Variants in B3GALT1 observed in about 807,000 individuals in gnomAD.
B3GALT1 encodes UDP-Gal:betaGlcNAc beta 1,3-galactosyltransferase, polypeptide 1.
Under a neutral mutation model 23.2 loss-of-function variants are expected in B3GALT1, and 10 were observed. The ratio of observed to expected loss-of-function variants is 0.43; its 90% CI spans 0.27 to 0.73. The LOEUF (loss-of-function observed/expected upper bound fraction) is 0.73, where lower values mean the gene tolerates loss of function less well. Ranked by LOEUF, B3GALT1 falls within the 30% of genes least tolerant of loss-of-function variation. The pLI is 0.21. For synonymous variants in B3GALT1, 156 were observed against 141.5 expected, an observed-to-expected ratio of 1.10 and a Z score of -0.73; for missense variants, 299 against 405.4, an observed-to-expected ratio of 0.74 and a Z score of 2.25.
chr2:167,656,543 C>G (rs1685958786), intron 3 of B3GALT1, among the ~76,000 whole-genome samples: 1 of 151,958 alleles, frequency 6.6e-6, no homozygotes, highest in Non-Finnish European at 1.5e-5. Flanking sequence ...AAATTTAAAC[C>G]ACTATGATAT....
Position 167,543,493 on chromosome 2 carries a change from T to C in B3GALT1, c.-410+53216T>C, listed in dbSNP as rs575295403. Among the ~76,000 whole-genome samples the C allele has an allele frequency of 1.4e-3, 206 of 152,210 alleles. No individual in the cohort carries two copies. In the South Asian group the frequency reaches 0.016, roughly 12 times the overall value. On this transcript the variant is annotated intron_variant, in intron 2 of 4. Transcript: ENST00000392690. ...TGGTAAATGTCAATATAAAAAGATG[T>C]CTGAAAAATATAAGAAAAATTATGA...
At chr2:167,642,934 AT>A (rs903394488) in intron 2 of B3GALT1, among the ~76,000 whole-genome samples, 7 of 152,168 alleles carry the variant, frequency 4.6e-5, no homozygotes, top group African/African-American at 1.7e-4. Context: ...AAAAATGTAT[AT>A]TTTTATACTT....
intron 2 of B3GALT1, among the ~76,000 whole-genome samples, chr2:167,548,099 A>G (rs1393716696): frequency 6.6e-6 from 1 of 152,196 alleles, no homozygotes; most frequent in Non-Finnish European, 1.5e-5. Flanking sequence ...TCATGATAGA[A>G]TTATAGAAGT....
At position 167,366,366 on chromosome 2, in the gene B3GALT1, A is replaced by G. The variant is rs186831155; in HGVS notation, c.-511+73032A>G. On this transcript the variant is annotated intron_variant, in intron 1 of 4. Coordinates refer to ENST00000392690, the MANE Select transcript of B3GALT1 (RefSeq NM_020981.4). Reference sequence around the variant, plus strand: ...GCTAACAGTGAATAGGCTCAGATATATAGAATAGTTTTGAAAGCACAGTAA... The same window carrying G: ...GCTAACAGTGAATAGGCTCAGATATGTAGAATAGTTTTGAAAGCACAGTAA... Among the ~76,000 whole-genome samples, 20 of 152,328 alleles carry G rather than the reference A, an allele frequency of 1.3e-4. No homozygotes were observed. In the East Asian group the frequency reaches 3.7e-3, roughly 28 times the overall value.
chr2:167,482,692 T>C (rs1410808471), intron 1 of B3GALT1, among the ~76,000 whole-genome samples: 1 of 152,028 alleles, frequency 6.6e-6, no homozygotes, highest in Non-Finnish European at 1.5e-5. Flanking sequence ...ATAAAAAAAT[T>C]AGCCGGGCAT....
intron 1 of B3GALT1, among the ~76,000 whole-genome samples, chr2:167,466,617 CAAAA>C (rs1175269957): frequency 3.8e-5 from 2 of 52,398 alleles, no homozygotes. Flanking sequence ...AAGACTCTGT[CAAAA>C]AAAAAAAAAA....
intron 3 of B3GALT1, among the ~76,000 whole-genome samples, chr2:167,666,892 G>A (rs1473944915): frequency 6.6e-6 from 1 of 152,168 alleles, no homozygotes; most frequent in African/African-American, 2.4e-5. Flanking sequence ...GAAGAGTCTT[G>A]ACTCTTTATC....
At chr2:167,771,103 C>T (rs1246065171) in intron 3 of B3GALT1, among the ~76,000 whole-genome samples, 6 of 152,152 alleles carry the variant, frequency 3.9e-5, no homozygotes, top group Non-Finnish European at 8.8e-5. Context: ...GCAGGAGCTT[C>T]ATAATTCAGT....
intron 1 of B3GALT1, among the ~76,000 whole-genome samples, chr2:167,318,613 A>G: frequency 6.6e-6 from 1 of 152,128 alleles, no homozygotes; most frequent in East Asian, 1.9e-4. Context: ...GAGTTCATTA[A>G]GATTTCATAA....
At chr2:167,765,613 G>A (rs192835478) in intron 3 of B3GALT1, among the ~76,000 whole-genome samples, 19 of 152,002 alleles carry the variant, frequency 1.2e-4, no homozygotes, top group Admixed American at 6.5e-4. Context: ...TTTCTTATTC[G>A]GCTGTAATTA....
intron 3 of B3GALT1, among the ~76,000 whole-genome samples, chr2:167,806,596 C>T (rs146525503): frequency 2.6e-4 from 39 of 152,232 alleles, no homozygotes; most frequent in African/African-American, 8.9e-4. Context: ...GTCGTTGGTT[C>T]TGTTTATATG....
chr2:167,300,838 GA>G (rs2105479422), intron 1 of B3GALT1, among the ~76,000 whole-genome samples: 1 of 152,212 alleles, frequency 6.6e-6, no homozygotes, highest in South Asian at 2.1e-4. Flanking sequence ...ACATAATGGG[GA>G]AAAGATTTTA....
At chr2:167,369,428 G>A (rs1697645573) in intron 1 of B3GALT1, among the ~76,000 whole-genome samples, 2 of 152,078 alleles carry the variant, frequency 1.3e-5, no homozygotes, top group Non-Finnish European at 2.9e-5. Context: ...GATGAAAGAG[G>A]TTTTTCAGGA....
At chr2:167,478,111 A>G (rs984705594) in intron 1 of B3GALT1, among the ~76,000 whole-genome samples, 2 of 152,248 alleles carry the variant, frequency 1.3e-5, no homozygotes, top group Non-Finnish European at 2.9e-5. Flanking sequence ...GCCATTATAA[A>G]GAATTTCTTT....
At position 167,869,913 on chromosome 2, in the gene B3GALT1, TA is replaced by T; in HGVS notation, c.875del (p.Tyr292SerfsTer49). On this transcript the variant is annotated frameshift_variant, in exon 5 of 5. Coordinates refer to ENST00000392690, the MANE Select transcript of B3GALT1 (RefSeq NM_020981.4). LOFTEE classifies it high-confidence loss of function. The surrounding 1 kb of genome is among the most constrained non-coding windows in gnomAD (Gnocchi z 6.4). ...TGGCTTCAATCACTGGAAAATGGCC[TA>T]CAGTTTGTGTAGGTATCGCCGAGTT... ...NSGFNHWKMA[Y>X]SLCRYRRVIT... is the part of the protein sequence containing the mutation. The T allele has an allele frequency of 6.2e-7, 1 of 1,614,212 alleles. No individual in the cohort carries two copies. Among genetic ancestry groups the T allele is most frequent in the Non-Finnish European group, 8.5e-7 (1 of 1,180,038 alleles).
At chr2:167,326,785 G>T (rs1327393854) in intron 1 of B3GALT1, among the ~76,000 whole-genome samples, 1 of 152,022 alleles carries the variant, frequency 6.6e-6, no homozygotes, top group Non-Finnish European at 1.5e-5. Flanking sequence ...CGCCTCCCGG[G>T]TTCAAGCAAT....
intron 2 of B3GALT1, among the ~76,000 whole-genome samples, chr2:167,532,854 CTTTTT>C (rs1173819982): frequency 1.0e-5 from 1 of 96,448 alleles, no homozygotes; most frequent in South Asian, 3.5e-4. Flanking sequence ...TTTACTGCAT[CTTTTT>C]TTTTTTTTTT....
intron 1 of B3GALT1, among the ~76,000 whole-genome samples, chr2:167,293,938 G>A (rs988628748): frequency 1.3e-5 from 2 of 149,324 alleles, no homozygotes; most frequent in Non-Finnish European, 3.0e-5. Flanking sequence ...GAAGTTGGGG[G>A]TGGGGGTGGG....
At chr2:167,817,739 C>G (rs1689023128) in intron 3 of B3GALT1, among the ~76,000 whole-genome samples, 1 of 152,026 alleles carries the variant, frequency 6.6e-6, no homozygotes, top group African/African-American at 2.4e-5. Flanking sequence ...TCAGCATTAC[C>G]CAGAACTTAC....
Sources: gnomAD v4.1 joint callset for allele counts (sites outside exome capture counted in the v4.1 genomes callset) on GRCh38, gnomAD v4.1.1 for gene constraint, Gnocchi (gnomAD v3.1) non-coding constraint, MANE v1.5 for transcripts, NCBI Gene and HGNC (gene_info 2026-07-23, HGNC 2026-07-21) for gene names.